The following HS6ST2 variants were observed in gnomAD, a reference collection of about 807,000 sequenced individuals.
HS6ST2 encodes heparan sulfate 6-O-sulfotransferase 2.
In HS6ST2, 17 loss-of-function variants were observed where a neutral mutation model predicts 33.0. The observed-to-expected ratio is 0.52, with a 90% CI of 0.35 to 0.77. The LOEUF is 0.77. HS6ST2 is among the 30% of genes least tolerant of loss of function. HS6ST2 has a pLI of 0.01. For missense variants in HS6ST2, 519 were observed against 551.7 expected (o/e 0.94, Z 0.59); for synonymous variants, 248 against 237.1 (o/e 1.05, Z -0.42).
At chrX:132,853,261 C>T (rs1317666404) in intron 2 of HS6ST2, among the ~76,000 whole-genome samples, 1 of 111,118 alleles carries the variant, frequency 9.0e-6, no homozygotes, top group South Asian at 3.8e-4. Context: ...TCAAGCAATC[C>T]TCCTGAATCA....
intron 2 of HS6ST2, among the ~76,000 whole-genome samples, chrX:132,770,026 T>A (rs1406247205): frequency 3.6e-5 from 4 of 112,292 alleles, no homozygotes; most frequent in Non-Finnish European, 5.6e-5. Flanking sequence ...CTAAGTGTTT[T>A]GCATTTGTTA....
chrX:132,716,355 T>G (rs1347877373), intron 2 of HS6ST2, among the ~76,000 whole-genome samples: 2 of 112,188 alleles, frequency 1.8e-5, no homozygotes, highest in African/African-American at 6.5e-5. Context: ...CAATTTAGTC[T>G]TTCAGAAAGC....
chrX:132,795,761 T>C (rs1409132307), intron 2 of HS6ST2, among the ~76,000 whole-genome samples: 1 of 110,718 alleles, frequency 9.0e-6, no homozygotes, highest in Non-Finnish European at 1.9e-5. Flanking sequence ...TGTGCACCAC[T>C]ATGCCTGGCT....
Position 132,864,009 on chromosome X carries a change from C to T in HS6ST2, c.947+92799G>A, listed in dbSNP as rs138555971. ...TCCAGCAGGCCTGCAGCAGAGGGGCCTGACTGTCAGAAGGAAAACTAACAA... is the reference window on the plus strand; with the variant it reads ...TCCAGCAGGCCTGCAGCAGAGGGGCTTGACTGTCAGAAGGAAAACTAACAA... On this transcript the variant is annotated intron_variant, in intron 2 of 4. Transcript: ENST00000370833. Among the ~76,000 whole-genome samples, 563 of 111,154 alleles carry T rather than the reference C, an allele frequency of 5.1e-3. 2 individuals carry two copies. Among genetic ancestry groups the T allele is most frequent in the Non-Finnish European group, 8.0e-3 (425 of 53,084 alleles).
At chrX:132,769,393 C>A (rs1016884964) in intron 2 of HS6ST2, among the ~76,000 whole-genome samples, 1 of 111,899 alleles carries the variant, frequency 8.9e-6, no homozygotes, top group Non-Finnish European at 1.9e-5. Flanking sequence ...CTGGAGGCAC[C>A]CAATGCATGG....
In HS6ST2 at chrX:132,887,762, A is replaced by T. The variant is rs893472304; in HGVS notation, c.947+69046T>A. On this transcript the variant is annotated intron_variant, in intron 2 of 4. Coordinates refer to ENST00000370833, the MANE Select transcript of HS6ST2 (RefSeq NM_001394073.1). ...GAGGAAACAATTCAAATATCCATCT[A>T]CTGATGAATGGACACACAAAATGTG... is the stretch of plus-strand genomic sequence containing the variant. Among the ~76,000 whole-genome samples, 5 of 112,317 alleles carry T rather than the reference A, an allele frequency of 4.5e-5. 1 individual carries two copies.
intron 4 of HS6ST2, among the ~76,000 whole-genome samples, chrX:132,659,520 G>A (rs772600232): frequency 2.7e-5 from 3 of 111,732 alleles, no homozygotes; most frequent in Non-Finnish European, 5.6e-5. Flanking sequence ...AAGATAAGGT[G>A]ATATTTCACC....
chrX:132,820,400 T>C (rs1490849571), intron 2 of HS6ST2, among the ~76,000 whole-genome samples: 1 of 111,280 alleles, frequency 9.0e-6, no homozygotes, highest in African/African-American at 3.3e-5. Context: ...CTAGGGTAGA[T>C]GGAGGTAGGT....
At chrX:132,814,055 T>C (rs1447932239) in intron 2 of HS6ST2, among the ~76,000 whole-genome samples, 1 of 111,346 alleles carries the variant, frequency 9.0e-6, no homozygotes, top group Admixed American at 9.5e-5. Context: ...AGCAATTCTC[T>C]GCCTCAGCCT....
chrX:132,835,090 A>G (rs1399009657), intron 2 of HS6ST2, among the ~76,000 whole-genome samples: 1 of 112,208 alleles, frequency 8.9e-6, no homozygotes, highest in Non-Finnish European at 1.9e-5. Context: ...CTCTCATCAA[A>G]TGGTGAAGAA....
At chrX:132,813,780 A>G (rs909286399) in intron 2 of HS6ST2, among the ~76,000 whole-genome samples, 2 of 110,105 alleles carry the variant, frequency 1.8e-5, no homozygotes, top group Admixed American at 9.8e-5. Context: ...CTACCGTAAA[A>G]GCCTCACAAT....
chrX:132,795,854 C>G (rs2065173083), intron 2 of HS6ST2, among the ~76,000 whole-genome samples: 2 of 111,729 alleles, frequency 1.8e-5, no homozygotes, highest in African/African-American at 6.5e-5. Context: ...AGCAATCCGC[C>G]CACCTTGGCC....
At chrX:132,809,713 A>G (rs1177822283) in intron 2 of HS6ST2, among the ~76,000 whole-genome samples, 1 of 112,168 alleles carries the variant, frequency 8.9e-6, no homozygotes, top group Non-Finnish European at 1.9e-5. Flanking sequence ...TGATCCTATC[A>G]CATGGCCCAT....
intron 4 of HS6ST2, among the ~76,000 whole-genome samples, chrX:132,662,906 CTG>C (rs2063784056): frequency 8.9e-6 from 1 of 112,165 alleles, no homozygotes; most frequent in African/African-American, 3.2e-5. Context: ...ACCAGAAAAA[CTG>C]AGCCAAACAG....
At chrX:132,657,306 G>A (rs1187666635) in intron 4 of HS6ST2, among the ~76,000 whole-genome samples, 2 of 111,401 alleles carry the variant, frequency 1.8e-5, no homozygotes, top group East Asian at 5.7e-4. Flanking sequence ...CAGACTTGGT[G>A]TGTGTTTTTA....
At chrX:132,656,237 T>C (rs1603292957) in intron 4 of HS6ST2, among the ~76,000 whole-genome samples, 3 of 111,235 alleles carry the variant, frequency 2.7e-5, no homozygotes, top group African/African-American at 9.8e-5. Context: ...TTTCTTTTTT[T>C]CTTCTTTTTT....
At chrX:132,773,103 A>G (rs2148323673) in intron 2 of HS6ST2, among the ~76,000 whole-genome samples, 1 of 97,643 alleles carries the variant, frequency 1.0e-5, no homozygotes, top group East Asian at 3.1e-4. Flanking sequence ...TAAATAGATT[A>G]TAAATATATA....
chrX:132,679,900 G>A (rs373367535), intron 3 of HS6ST2, among the ~76,000 whole-genome samples: 12 of 109,436 alleles, frequency 1.1e-4, no homozygotes, highest in Non-Finnish European at 2.1e-4. Context: ...GCTCACCAGC[G>A]GTCAGAGTTT....
At position 132,958,295 on chromosome X, in the gene HS6ST2, C is replaced by T; in HGVS notation, c.308G>A (p.Arg103Gln). The T allele has an allele frequency of 8.4e-7, 1 of 1,193,639 alleles. No individual in the cohort carries two copies. Among genetic ancestry groups the T allele is most frequent in the South Asian group, 1.8e-5 (1 of 55,886 alleles). ...GCAGAGGGAGCCCAGGTCCCAGCGT[C>T]GCCTGAGGACGTGCATCCGCCTGCG... ...GRRRRMHVLR[R>Q]RWDLGSLCRA... Residue 103 changes from arginine (R) to glutamine (Q), a missense_variant, in exon 1 of 5, where the codon CGA (arginine) becomes CAA (glutamine). Arg to Gln is a conservative substitution (Grantham distance 43). Transcript: ENST00000370833.
Sources: allele counts gnomAD v4.1 joint callset (sites outside exome capture counted in the v4.1 genomes callset), GRCh38; gene constraint gnomAD v4.1.1; transcripts MANE v1.5; gene names NCBI Gene and HGNC (gene_info 2026-07-23, HGNC 2026-07-21).